The following IMMP1L variants were observed in gnomAD, a reference collection of about 807,000 sequenced individuals.
IMMP1L encodes the protein mitochondrial inner membrane protease subunit 1.
Under a neutral mutation model 21.8 loss-of-function variants are expected in IMMP1L, and 24 were observed. That is an observed-to-expected ratio of 1.10 (90% confidence interval 0.80 to 1.55). The LOEUF (loss-of-function observed/expected upper bound fraction) is 1.55. IMMP1L is among the 40% of genes most tolerant of loss of function. IMMP1L has a pLI of 0.00. For synonymous variants in IMMP1L, 46 were observed against 62.8 expected (o/e 0.73, Z 1.26); for missense variants, 195 against 200.7 (o/e 0.97, Z 0.17).
At chr11:31,500,883 G>A (rs1376072992) in intron 1 of IMMP1L, among the ~76,000 whole-genome samples, 2 of 152,174 alleles carry the variant, frequency 1.3e-5, no homozygotes, top group African/African-American at 4.8e-5. Context: ...AGACCATATG[G>A]ACTACAAGGC....
At chr11:31,493,519 C>T (rs1357178021) in intron 1 of IMMP1L, among the ~76,000 whole-genome samples, 1 of 152,034 alleles carries the variant, frequency 6.6e-6, no homozygotes, top group Non-Finnish European at 1.5e-5. Context: ...CGTAATCAAA[C>T]CATATCATTC....
chr11:31,491,320 T>C (rs1439925545), intron 1 of IMMP1L, among the ~76,000 whole-genome samples: 2 of 152,158 alleles, frequency 1.3e-5, no homozygotes, highest in Non-Finnish European at 2.9e-5. Context: ...AAAGAATACA[T>C]ACATTATCAT....
At chr11:31,439,529 T>C (rs1953247757) in intron 4 of IMMP1L, among the ~76,000 whole-genome samples, 1 of 152,170 alleles carries the variant, frequency 6.6e-6, no homozygotes, top group African/African-American at 2.4e-5. Context: ...ATTTCTGTCA[T>C]TTCTGGGTCT....
Position 31,495,295 on chromosome 11 carries a change from T to A in IMMP1L, c.-30+14224A>T, listed in dbSNP as rs1352559339. On this transcript the variant is annotated intron_variant, in intron 1 of 5. Transcript: ENST00000532287. Reference sequence around the variant, plus strand: ...GTCTCTAGGAAGTTCCAAACTTTCCTACATTTTCCTGTCTTCTTCTGAGCC... The same window carrying A: ...GTCTCTAGGAAGTTCCAAACTTTCCAACATTTTCCTGTCTTCTTCTGAGCC... Among the ~76,000 whole-genome samples, 3 of 152,312 alleles carry A rather than the reference T, an allele frequency of 2.0e-5. No homozygotes were observed. In the East Asian group the frequency reaches 5.8e-4, roughly 29 times the overall value.
chr11:31,452,402 C>T (rs1040561539), intron 4 of IMMP1L: 3 of 985,186 alleles, frequency 3.0e-6, no homozygotes, highest in African/African-American at 1.7e-5. Flanking sequence ...CCCTACATTC[C>T]CTAAGGGAAT....
chr11:31,488,343 C>T (rs1019689089), intron 1 of IMMP1L: 2 of 152,006 alleles, frequency 1.3e-5, no homozygotes, highest in Non-Finnish European at 2.9e-5. Context: ...TGTAACGGTG[C>T]GTCTTCCTCT....
intron 1 of IMMP1L, among the ~76,000 whole-genome samples, chr11:31,465,841 G>A (rs1954320831): frequency 2.6e-5 from 4 of 151,908 alleles, no homozygotes; most frequent in Admixed American, 2.6e-4. Context: ...TAATACTATA[G>A]GGGAAACACT....
At chr11:31,472,108 G>C (rs1954573193) in intron 1 of IMMP1L, among the ~76,000 whole-genome samples, 2 of 151,894 alleles carry the variant, frequency 1.3e-5, no homozygotes, top group Non-Finnish European at 2.9e-5. Flanking sequence ...TGATTACACT[G>C]AGCCCAACTA....
At chr11:31,460,771 A>C in intron 2 of IMMP1L, 57 bp from the exon 3 acceptor site, 1 of 1,157,148 alleles carries the variant, frequency 8.6e-7, no homozygotes, top group East Asian at 2.4e-5. Context: ...ATTTAACATA[A>C]ATCTTTTAAG....
At position 31,463,317 on chromosome 11, in the gene IMMP1L, T is replaced by G. The variant is rs775037875; in HGVS notation, c.-29-12A>C. 26 of 1,563,116 alleles carry G rather than the reference T, an allele frequency of 1.7e-5. No homozygotes were observed. The Admixed American group carries it at 5.6e-4, about 34-fold the overall frequency. ...CTGCCACCATTGGCCTGATGGTAAA[T>G]TTCAAAAAGTTTCATGATCAATACT... is the stretch of plus-strand genomic sequence containing the variant. On this transcript the variant is annotated splice_polypyrimidine_tract_variant and intron_variant, in intron 1 of 5. Transcript: ENST00000532287.
intron 1 of IMMP1L, among the ~76,000 whole-genome samples, chr11:31,468,342 A>G (rs1954432405): frequency 6.6e-6 from 1 of 152,188 alleles, no homozygotes; most frequent in South Asian, 2.1e-4. Flanking sequence ...CATATGGTTC[A>G]CTTCTACTGC....
At chr11:31,486,253 G>C (rs975425281) in intron 1 of IMMP1L, among the ~76,000 whole-genome samples, 2 of 151,846 alleles carry the variant, frequency 1.3e-5, no homozygotes, top group African/African-American at 4.8e-5. Flanking sequence ...AAAGTAGATA[G>C]GTTAGTCTGG....
chr11:31,500,600 CACACACACACAA>C (rs1955588004), intron 1 of IMMP1L, among the ~76,000 whole-genome samples: 1 of 148,562 alleles, frequency 6.7e-6, no homozygotes, highest in South Asian at 2.1e-4. Flanking sequence ...TATGCACACA[CACACACACACAA>C]ACACACACAC....
intron 1 of IMMP1L, among the ~76,000 whole-genome samples, chr11:31,489,181 G>A (rs1955177033): frequency 6.6e-6 from 1 of 152,076 alleles, no homozygotes; most frequent in South Asian, 2.1e-4. Flanking sequence ...ACAGGCATGA[G>A]TCACCGCACC....
At chr11:31,496,115 G>A (rs1339529768) in intron 1 of IMMP1L, among the ~76,000 whole-genome samples, 52 of 112,968 alleles carry the variant, frequency 4.6e-4, no homozygotes, top group African/African-American at 2.2e-3. Context: ...TCAAAAACCC[G>A]CAAAAAAAAA....
At chr11:31,484,629 T>C (rs2133765679) in intron 1 of IMMP1L, among the ~76,000 whole-genome samples, 1 of 151,990 alleles carries the variant, frequency 6.6e-6, no homozygotes, top group South Asian at 2.1e-4. Flanking sequence ...TGTAATAAAT[T>C]CCCAAAATTG....
intron 1 of IMMP1L, among the ~76,000 whole-genome samples, chr11:31,485,820 G>A (rs560802356): frequency 2.9e-4 from 44 of 151,930 alleles, no homozygotes; most frequent in African/African-American, 9.2e-4. Flanking sequence ...ATAGAATTCC[G>A]AGGAAATCAC....
chr11:31,506,536 T>C (rs953555554), intron 1 of IMMP1L, among the ~76,000 whole-genome samples: 1 of 151,808 alleles, frequency 6.6e-6, no homozygotes, highest in Admixed American at 6.6e-5. Flanking sequence ...AGCCAACATA[T>C]AACTTTTAAC....
At chr11:31,493,329 C>T (rs1955318574) in intron 1 of IMMP1L, among the ~76,000 whole-genome samples, 1 of 152,020 alleles carries the variant, frequency 6.6e-6, no homozygotes, top group Non-Finnish European at 1.5e-5. Flanking sequence ...GGAGAAGTGC[C>T]AAGCAAAGAG....
Sources: allele counts gnomAD v4.1 joint callset (sites outside exome capture counted in the v4.1 genomes callset), GRCh38; gene constraint gnomAD v4.1.1; transcripts MANE v1.5; gene names NCBI Gene and HGNC (gene_info 2026-07-23, HGNC 2026-07-21).